The following SERPINI2 variants were observed in gnomAD, a reference collection of about 807,000 sequenced individuals.
SERPINI2 encodes serpin family I member 2.
SERPINI2 carries 48 observed loss-of-function variants against 47.3 expected under a neutral mutation model. The ratio of observed to expected loss-of-function variants is 1.02; its 90% CI spans 0.81 to 1.29. SERPINI2 has a LOEUF of 1.29. Ranked by LOEUF, SERPINI2 falls within the 50% of genes most tolerant of loss-of-function variation. SERPINI2 has a pLI of 0.00. For missense variants in SERPINI2, 448 were observed against 456.9 expected, an observed-to-expected ratio of 0.98 and a Z score of 0.18; for synonymous variants, 135 against 149.3, an observed-to-expected ratio of 0.90 and a Z score of 0.70.
chr3:167,466,278 C>T (rs982390195), intron 3 of SERPINI2, among the ~76,000 whole-genome samples: 1 of 152,200 alleles, frequency 6.6e-6, no homozygotes, highest in South Asian at 2.1e-4. Flanking sequence ...TGGCTCACCA[C>T]GCTTATCTCA....
chr3:167,467,083 TATC>T (rs751037846), exon 3 of SERPINI2: 34 of 1,611,856 alleles, frequency 2.1e-5, no homozygotes, highest in Non-Finnish European at 2.9e-5. Flanking sequence ...CCCAGGTACT[TATC>T]ATCTCTGCAC....
At chr3:167,466,422 A>G (rs759613314) in intron 3 of SERPINI2, among the ~76,000 whole-genome samples, 1 of 152,224 alleles carries the variant, frequency 6.6e-6, no homozygotes, top group African/African-American at 2.4e-5. Context: ...TTGTCACTTC[A>G]CATACATTAT....
chr3:167,476,751 A>C (rs957479652), upstream of SERPINI2, among the ~76,000 whole-genome samples: 8 of 152,040 alleles, frequency 5.3e-5, no homozygotes, highest in African/African-American at 1.9e-4. Flanking sequence ...CAGAACGCTG[A>C]GGGTAGAAAA....
At chr3:167,459,832 A>C (rs115454612) in intron 5 of SERPINI2, among the ~76,000 whole-genome samples, 3,269 of 152,246 alleles carry the variant, frequency 0.021, 107 homozygotes, top group African/African-American at 0.074. Flanking sequence ...AGTATCTTTT[A>C]ATGTCACCTT....
chr3:167,472,964 C>T (rs1438286665), intron 1 of SERPINI2, among the ~76,000 whole-genome samples: 1 of 151,526 alleles, frequency 6.6e-6, no homozygotes, highest in African/African-American at 2.4e-5. Flanking sequence ...AAGATGAAAG[C>T]CTTTAGAATA....
At chr3:167,475,727 G>GC (rs1560238886), upstream of SERPINI2, among the ~76,000 whole-genome samples, 2 of 149,264 alleles carry the variant, frequency 1.3e-5, no homozygotes, top group East Asian at 4.1e-4. Context: ...GAAAATCGGG[G>GC]TGGGGGGAGA....
intron 5 of SERPINI2, among the ~76,000 whole-genome samples, chr3:167,453,881 G>A (rs1410806906): frequency 6.6e-6 from 1 of 151,898 alleles, no homozygotes; most frequent in East Asian, 1.9e-4. Flanking sequence ...ATAAAAGTGG[G>A]GGTGGGGGGA....
chr3:167,449,911 A>T (rs1263148474), intron 6 of SERPINI2, among the ~76,000 whole-genome samples: 2 of 152,268 alleles, frequency 1.3e-5, no homozygotes, highest in African/African-American at 4.8e-5. Context: ...GATGACATAT[A>T]TACAGAGAGA....
At chr3:167,446,526 A>T (rs753572085) in intron 7 of SERPINI2, 45 bp from the exon 8 acceptor site, 9 of 1,233,456 alleles carry the variant, frequency 7.3e-6, no homozygotes, top group Non-Finnish European at 9.3e-6. Flanking sequence ...GCATTAAAAG[A>T]TCAGTAAAGA....
intron 5 of SERPINI2, 60 bp downstream of exon 5, chr3:167,465,146 G>A: frequency 1.4e-6 from 2 of 1,401,958 alleles, no homozygotes; most frequent in East Asian, 2.3e-5. Flanking sequence ...TCAGCTGACT[G>A]CTCAAATTCC....
intron 2 of SERPINI2, among the ~76,000 whole-genome samples, chr3:167,470,790 CT>C (rs1262179754): frequency 6.6e-6 from 1 of 151,848 alleles, no homozygotes. Flanking sequence ...CTGCCTCAGC[CT>C]CCCAAAGTGC....
chr3:167,454,049 T>C (rs58206689), intron 5 of SERPINI2, among the ~76,000 whole-genome samples: 130 of 152,348 alleles, frequency 8.5e-4, no homozygotes, highest in African/African-American at 2.8e-3. Context: ...CAATTCCCAA[T>C]GAGGGGCTTT....
At chr3:167,446,626 A>G (rs2272141) in intron 7 of SERPINI2, 145 bp from the exon 8 acceptor site, 70,020 of 482,744 alleles carry the variant, frequency 0.15, 7,936 homozygotes, top group African/African-American at 0.39. Flanking sequence ...CTAAATACAG[A>G]GGAATTTGCA....
At chr3:167,452,976 G>A (rs140665807) in exon 6 of SERPINI2, 187 of 1,603,554 alleles carry the variant, frequency 1.2e-4, no homozygotes, top group African/African-American at 8.1e-4. Flanking sequence ...TAAATATCTC[G>A]GTTATGTTCA....
At position 167,447,419 on chromosome 3, in the gene SERPINI2, T is replaced by C. The variant is rs558204320; in HGVS notation, c.1052-938A>G. Among the ~76,000 whole-genome samples the C allele has an allele frequency of 3.1e-4, 47 of 152,346 alleles. 1 individual carries two copies. The South Asian group carries it at 9.5e-3, about 31-fold the overall frequency. On this transcript the variant is annotated intron_variant, in intron 7 of 8. Coordinates refer to ENST00000264677, the Ensembl canonical transcript of SERPINI2. Reference sequence around the variant, plus strand: ...TTACAGTGAATACTTGGACTTTTTTTGCTTTTGAGCAGTCCGTGAGTGGAT... The same window carrying C: ...TTACAGTGAATACTTGGACTTTTTTCGCTTTTGAGCAGTCCGTGAGTGGAT...
intron 6 of SERPINI2, among the ~76,000 whole-genome samples, chr3:167,451,196 T>C (rs1023442625): frequency 2.1e-5 from 3 of 145,734 alleles, no homozygotes; most frequent in South Asian, 2.3e-4. Flanking sequence ...CTATATTATC[T>C]CACTTAACAG....
intron 5 of SERPINI2, among the ~76,000 whole-genome samples, chr3:167,463,958 CCAA>C (rs1750057484): frequency 6.7e-6 from 1 of 149,374 alleles, no homozygotes; most frequent in Non-Finnish European, 1.5e-5. Flanking sequence ...GGTTTTTGCT[CCAA>C]CAAAATCAAC....
chr3:167,447,141 T>C (rs1443146132), intron 7 of SERPINI2: 1 of 152,210 alleles, frequency 6.6e-6, no homozygotes, highest in African/African-American at 2.4e-5. Context: ...AAATGTTTTA[T>C]GCTTAATTCA....
chr3:167,476,858 A>T (rs771983535), upstream of SERPINI2, among the ~76,000 whole-genome samples: 6 of 152,010 alleles, frequency 3.9e-5, no homozygotes, highest in Non-Finnish European at 7.4e-5. Flanking sequence ...CAGTGGGGAA[A>T]AGAGCCTTTG....
Sources: gnomAD v4.1 joint callset for allele counts (sites outside exome capture counted in the v4.1 genomes callset) on GRCh38, gnomAD v4.1.1 for gene constraint, MANE v1.5 for transcripts, NCBI Gene and HGNC (gene_info 2026-07-23, HGNC 2026-07-21) for gene names.